The following RGS3 variants were observed in gnomAD, a reference collection of about 807,000 sequenced individuals.
RGS3 encodes regulator of G-protein signalling 3.
In RGS3, 80 loss-of-function variants were observed where a neutral mutation model predicts 132.6. The ratio of observed to expected loss-of-function variants is 0.60; its 90% CI spans 0.50 to 0.73. The LOEUF (loss-of-function observed/expected upper bound fraction) is 0.73, where lower values mean the gene tolerates loss of function less well. RGS3 is among the 30% of genes least tolerant of loss of function. RGS3 has a pLI of 0.00. For synonymous variants in RGS3, 598 were observed against 620.6 expected (o/e 0.96, Z 0.54); for missense variants, 1,382 against 1,530.8 (o/e 0.90, Z 1.62).
In RGS3 at chr9:113,515,837, G is replaced by A. The variant is rs1039355881; in HGVS notation, c.1674+1183G>A. ...CACCACTAAATGCTCTGTGTTTTACGGTGGTTGCCCACTCTTCTTTTATAT... is the reference window on the plus strand; with the variant it reads ...CACCACTAAATGCTCTGTGTTTTACAGTGGTTGCCCACTCTTCTTTTATAT... On this transcript the variant is annotated intron_variant, in intron 15 of 24. Transcript: ENST00000350696. Among the ~76,000 whole-genome samples the A allele has an allele frequency of 8.6e-5, 13 of 152,010 alleles. No individual in the cohort carries two copies. The East Asian group carries it at 1.2e-3, about 14-fold the overall frequency.
intron 19 of RGS3, among the ~76,000 whole-genome samples, chr9:113,555,532 A>G (rs866063779): frequency 6.6e-6 from 1 of 151,596 alleles, no homozygotes. Context: ...TAGTGGTGCA[A>G]TCTCGGCTCC....
At chr9:113,462,289 G>A in intron 3 of RGS3, 1 of 388,816 alleles carries the variant, frequency 2.6e-6, no homozygotes, top group Non-Finnish European at 3.8e-6. Flanking sequence ...TGTAACCGGG[G>A]TTGGAGGGGG....
At chr9:113,562,706 G>A (rs1833845926) in intron 19 of RGS3, among the ~76,000 whole-genome samples, 2 of 152,168 alleles carry the variant, frequency 1.3e-5, no homozygotes, top group African/African-American at 4.8e-5. Context: ...CTAGATCCCA[G>A]TTTCTCCTGT....
intron 3 of RGS3, among the ~76,000 whole-genome samples, chr9:113,466,629 G>A (rs1409986884): frequency 6.6e-6 from 1 of 152,138 alleles, no homozygotes; most frequent in African/African-American, 2.4e-5. Flanking sequence ...GAAAAATGAT[G>A]TAATTTGAAG....
chr9:113,589,382 TC>T (rs1194660289), intron 20 of RGS3, among the ~76,000 whole-genome samples: 1 of 152,096 alleles, frequency 6.6e-6, no homozygotes. Flanking sequence ...TGCTGGGGTT[TC>T]CCCAGCAGCC....
chr9:113,527,433 C>T (rs562872663), intron 17 of RGS3, among the ~76,000 whole-genome samples: 2 of 152,192 alleles, frequency 1.3e-5, no homozygotes, highest in South Asian at 4.1e-4. Flanking sequence ...AAAGAAACCA[C>T]CTCCTCTTGT....
At chr9:113,589,845 A>G (rs1419957149) in intron 20 of RGS3, 3 of 152,216 alleles carry the variant, frequency 2.0e-5, no homozygotes, top group Non-Finnish European at 4.4e-5. Flanking sequence ...GGCTGTCACT[A>G]TGCCTAAGCC....
intron 23 of RGS3, 100 bp from the exon 22 acceptor site, chr9:113,595,499 A>G (rs915429675): frequency 7.4e-6 from 10 of 1,351,782 alleles, no homozygotes; most frequent in Non-Finnish European, 1.0e-5. Context: ...CTCAGCTCCC[A>G]GCACGCCCAT....
At chr9:113,536,951 G>A in intron 19 of RGS3, 33 bp downstream of exon 17, 1 of 1,601,722 alleles carries the variant, frequency 6.2e-7, no homozygotes, top group Non-Finnish European at 8.5e-7. Context: ...TGGCCTGGCT[G>A]CCTCGTTTCC....
At chr9:113,593,722 C>G (rs1835566768) in intron 21 of RGS3, 2 of 605,594 alleles carry the variant, frequency 3.3e-6, no homozygotes, top group South Asian at 4.0e-5. Flanking sequence ...AGGCATTTAA[C>G]TCCTTTCTTG....
chr9:113,542,036 GA>G, intron 19 of RGS3: 1 of 174,496 alleles, frequency 5.7e-6, no homozygotes. Flanking sequence ...GCACACACGT[GA>G]TGGCAAGCTG....
chr9:113,507,430 G>C lies in RGS3; in HGVS notation c.1229G>C (p.Cys410Ser). 1 of 1,613,952 alleles carries C rather than the reference G, an allele frequency of 6.2e-7. No individual in the cohort carries two copies. The change falls in exon 13 of 25, where the codon TGC (cysteine) becomes TCC (serine). Residue 410 changes from cysteine to serine, a missense_variant. By Grantham distance (112) the Cys-to-Ser change is moderately radical (BLOSUM62 -1). Transcript: ENST00000350696. This position sits in a 1 kb window ranked among gnomAD's most constrained non-coding sequence, Gnocchi z 5.0. ...CCCCCCAACAAACGGGAGAAGAACT[G>C]CACCCATGGGGTCCAGGCACGGCCT...
intron 17 of RGS3, among the ~76,000 whole-genome samples, chr9:113,525,505 T>C (rs932960041): frequency 6.6e-6 from 1 of 152,162 alleles, no homozygotes; most frequent in African/African-American, 2.4e-5. Flanking sequence ...AAGGGATGCA[T>C]TTGGGACCTC....
At chr9:113,460,065 A>G (rs1002580425), upstream of RGS3, among the ~76,000 whole-genome samples, 3 of 150,740 alleles carry the variant, frequency 2.0e-5, no homozygotes, top group Admixed American at 6.6e-5. Context: ...AATCACCTGT[A>G]TATCTTGGCT....
At chr9:113,501,612 G>T (rs201899781) in intron 10 of RGS3, 9 of 1,562,214 alleles carry the variant, frequency 5.8e-6, no homozygotes, top group Non-Finnish European at 7.8e-6. Context: ...AGGTGTGCTC[G>T]GAGCGCCGCT....
intron 14 of RGS3, among the ~76,000 whole-genome samples, chr9:113,511,230 C>A (rs180787445): frequency 6.6e-6 from 1 of 152,122 alleles, no homozygotes; most frequent in African/African-American, 2.4e-5. Context: ...TGCCAGGGCT[C>A]GCCTCAGAAT....
At chr9:113,539,530 G>A (rs1397674044) in intron 19 of RGS3, among the ~76,000 whole-genome samples, 4 of 152,120 alleles carry the variant, frequency 2.6e-5, no homozygotes, top group South Asian at 2.1e-4. Flanking sequence ...GGCTGGTCTC[G>A]AACTCCTGAC....
intron 6 of RGS3, among the ~76,000 whole-genome samples, chr9:113,484,725 A>G (rs565430482): frequency 1.3e-5 from 2 of 152,326 alleles, no homozygotes; most frequent in Admixed American, 6.5e-5. Context: ...ACAGTATAAC[A>G]TAACACAGGG....
intron 14 of RGS3, among the ~76,000 whole-genome samples, chr9:113,511,948 C>G (rs1190416075): frequency 1.3e-5 from 2 of 152,088 alleles, no homozygotes; most frequent in African/African-American, 4.8e-5. Flanking sequence ...TTCTACTAAC[C>G]CTGGTAGGTG....
Sources: allele counts gnomAD v4.1 joint callset (sites outside exome capture counted in the v4.1 genomes callset), GRCh38; gene constraint gnomAD v4.1.1; non-coding constraint Gnocchi (gnomAD v3.1); transcripts MANE v1.5; gene names NCBI Gene and HGNC (gene_info 2026-07-23, HGNC 2026-07-21).